Variants in ANK2 observed in about 807,000 individuals in gnomAD.
ANK2 encodes the protein ankyrin-2.
ANK2 carries 83 observed loss-of-function variants against 360.5 expected under a neutral mutation model. That is an observed-to-expected ratio of 0.23 (90% CI 0.19 to 0.28). The LOEUF (loss-of-function observed/expected upper bound fraction) is 0.28, where lower values mean the gene tolerates loss of function less well. ANK2 is among the 10% of genes least tolerant of loss of function. The pLI is 1.00. For synonymous variants in ANK2, 1,740 were observed against 1,759.5 expected (o/e 0.99, Z 0.28); for missense variants, 4,201 against 4,795.7 (o/e 0.88, Z 3.66).
chr4:113,282,692 A>G lies in ANK2; in HGVS notation c.1899A>G (p.Leu633=), dbSNP rs377608305. ...HATAKNGYTP[L]HIAAKKNQMQ... is the part of the protein sequence containing the mutation. ...CTTTTTAGAATGGCTATACTCCGTT[A>G]CATATTGCTGCCAAGAAGAATCAAA... Residue 633 remains leucine, a synonymous_variant, in exon 18 of 46, where the codon TTA becomes TTG. Coordinates refer to ENST00000357077, the MANE Select transcript of ANK2 (RefSeq NM_001148.6). The G allele has an allele frequency of 2.0e-4, 327 of 1,612,976 alleles. No individual in the cohort carries two copies. The highest frequency in any genetic ancestry group is 2.6e-4 in the Non-Finnish European group (312 of 1,179,398).
At position 113,176,189 on chromosome 4, in the gene ANK2, T is replaced by C. The variant is rs140839626; in HGVS notation, c.186+1672T>C. 4.1e-3 allele frequency among the ~76,000 whole-genome samples: 623 copies of C among 152,322 alleles called. 5 individuals carry two copies. The highest frequency in any genetic ancestry group is 0.014 in the African/African-American group (581 of 41,574). On this transcript the variant is annotated intron_variant, in intron 2 of 45. Transcript: ENST00000357077. ...ATGGGGGAAGAAAGGGATAGGGAAC[T>C]GGTATAAGCAGCAGGCTGACACTTG...
the ANK2 span, among the ~76,000 whole-genome samples, chr4:112,743,630 C>T: frequency 2.0e-5 from 3 of 147,166 alleles, no homozygotes; most frequent in African/African-American, 7.6e-5. Context: ...GCAACCTCTG[C>T]CTCCCAGGTT....
chr4:113,219,503 T>G (rs2099125383), intron 4 of ANK2, among the ~76,000 whole-genome samples: 1 of 151,786 alleles, frequency 6.6e-6, no homozygotes, highest in Non-Finnish European at 1.5e-5. Context: ...CATTATACAT[T>G]ACAAAAAACA....
intron 1 of ANK2, among the ~76,000 whole-genome samples, chr4:113,149,858 G>C (rs1341528609): frequency 9.9e-6 from 1 of 101,202 alleles, no homozygotes; most frequent in Non-Finnish European, 1.8e-5. Context: ...GCTTGCGTGA[G>C]AGTGAGACCC....
In ANK2 at chr4:113,354,445, G is replaced by A. The variant is rs367592943; in HGVS notation, c.5827G>A (p.Gly1943Arg). The A allele has an allele frequency of 1.7e-5, 28 of 1,614,054 alleles. No homozygotes were observed. The highest frequency in any genetic ancestry group is 2.2e-5 in the South Asian group (2 of 91,072). Residue 1943 changes from glycine (G) to arginine (R), a missense_variant, in exon 38 of 46, where the codon GGA becomes AGA. By Grantham distance (125) the Gly-to-Arg change is moderately radical. Around this residue, in one of 4 missense-constraint regions of ANK2, gnomAD observed 2,642 missense variants for 2,714.5 expected, o/e 0.97. Coordinates refer to ENST00000357077, the MANE Select transcript of ANK2 (RefSeq NM_001148.6). ...TEKRLPVSPS[G>R]RTDKHQPVST... ...AAAACGCTTGCCTGTTTCACCCTCC[G>A]GAAGAACGGACAAGCACCAACCTGT...
chr4:113,094,229 G>A (rs2089933722), intron 1 of ANK2, among the ~76,000 whole-genome samples: 1 of 152,134 alleles, frequency 6.6e-6, no homozygotes, highest in Non-Finnish European at 1.5e-5. Context: ...TCCCATTGAA[G>A]TGCTTTGTGA....
At chr4:113,298,183 C>A (rs1366088109) in intron 22 of ANK2, among the ~76,000 whole-genome samples, 2 of 152,012 alleles carry the variant, frequency 1.3e-5, no homozygotes, top group Admixed American at 6.6e-5. Flanking sequence ...CAGTGACTCA[C>A]CTTTGTTAGG....
intron 13 of ANK2, among the ~76,000 whole-genome samples, chr4:113,259,820 T>TG (rs925291486): frequency 6.6e-6 from 1 of 150,604 alleles, no homozygotes; most frequent in African/African-American, 2.4e-5. Flanking sequence ...TTCTTTTTTT[T>TG]TTTTTTAATT....
the ANK2 span, among the ~76,000 whole-genome samples, chr4:112,784,265 G>C: frequency 6.6e-6 from 1 of 150,498 alleles, no homozygotes; most frequent in South Asian, 2.1e-4. Flanking sequence ...GCTCACCACA[G>C]CCTCGATCTC....
At chr4:113,274,687 G>A (rs2153689571) in intron 15 of ANK2, 38 bp downstream of exon 15, 3 of 1,606,814 alleles carry the variant, frequency 1.9e-6, no homozygotes, top group Non-Finnish European at 2.6e-6. Context: ...GGACCAAGAG[G>A]ATTCCTAAGT....
chr4:112,940,619 T>C lies in ANK2; in HGVS notation c.21+36105T>C, dbSNP rs554002015. ...TAGAAAATTAGAGTAGCCATCAGTA[T>C]CATGCTGTTGAATAACTGCTGTAGG... is the stretch of plus-strand genomic sequence containing the variant. On this transcript the variant is annotated intron_variant, in intron 2 of 30. Transcript: ENST00000503271. 1.8e-4 allele frequency among the ~76,000 whole-genome samples: 27 copies of C among 152,296 alleles called. No homozygotes were observed. In the South Asian group the frequency reaches 3.5e-3, roughly 20 times the overall value.
intron 1 of ANK2, among the ~76,000 whole-genome samples, chr4:113,097,891 C>T (rs113886905): frequency 0.5 from 67,607 of 136,572 alleles, 17,546 homozygotes; most frequent in East Asian, 0.69. Flanking sequence ...CACACACACA[C>T]GCACACACAC....
rs552445352 is a variant in ANK2, at chr4:112,899,087, G to A, written c.-39-5368G>A. Among the ~76,000 whole-genome samples, 304 of 152,266 alleles carry A rather than the reference G, an allele frequency of 2.0e-3. 1 individual carries two copies. The highest frequency in any genetic ancestry group is 7.1e-3 in the African/African-American group (294 of 41,550). ...GCTCAACTCTAACCAAGTTGATGGG[G>A]GCTGTGAAGCCTTTCCTGTGGGTGT... On this transcript the variant is annotated intron_variant, in intron 1 of 30. Transcript: ENST00000503271.
intron 1 of ANK2, among the ~76,000 whole-genome samples, chr4:112,883,288 A>G (rs11732017): frequency 0.25 from 37,181 of 151,340 alleles, 4,877 homozygotes; most frequent in African/African-American, 0.33. Context: ...ATCCACCCAC[A>G]TTGGCCTCCC....
chr4:113,353,564 C>T lies in ANK2; in HGVS notation c.4946C>T (p.Pro1649Leu), dbSNP rs2095548904. ...ACTGATGATCTGAATACCTGTGTGC[C>T]TCTTCCCAAAGAGCAGCTGCAGACA... Reference protein sequence around the residue: ...YLTDDLNTCVPLPKEQLQTVQ... With the variant: ...YLTDDLNTCVLLPKEQLQTVQ... The change falls in exon 38 of 46, where the codon CCT (proline) becomes CTT (leucine). Residue 1649 changes from proline to leucine, a missense_variant. Around this residue, in one of 4 missense-constraint regions of ANK2, gnomAD observed 1,268 missense variants for 1,650.8 expected, o/e 0.77. Transcript: ENST00000357077. 6.2e-7 allele frequency: 1 copy of T among 1,613,902 alleles called. No homozygotes were observed. The highest frequency in any genetic ancestry group is 8.5e-7 in the Non-Finnish European group (1 of 1,179,966).
At chr4:113,162,706 T>C (rs2097579185) in intron 1 of ANK2, among the ~76,000 whole-genome samples, 2 of 151,810 alleles carry the variant, frequency 1.3e-5, no homozygotes, top group African/African-American at 4.8e-5. Flanking sequence ...CCCACTTCTG[T>C]TCCTGGTCTA....
chr4:112,957,470 C>A (rs1300565164), intron 2 of ANK2, among the ~76,000 whole-genome samples: 1 of 152,240 alleles, frequency 6.6e-6, no homozygotes, highest in Non-Finnish European at 1.5e-5. Context: ...CGCCTTTCCC[C>A]CCTTTCTATT....
intron 2 of ANK2, among the ~76,000 whole-genome samples, chr4:112,962,795 C>T (rs2035501159): frequency 6.6e-6 from 1 of 152,098 alleles, no homozygotes; most frequent in Admixed American, 6.6e-5. Context: ...GAATCACTGA[C>T]TTATGGCAAG....
chr4:113,233,106 G>GTTTTTTTTTTTTTTTTTT (rs1156385030), intron 5 of ANK2, among the ~76,000 whole-genome samples: 3 of 79,708 alleles, frequency 3.8e-5, no homozygotes, highest in East Asian at 3.7e-4. Flanking sequence ...TGGCTTTTCT[G>GTTTTTTTTTTTTTTTTTT]TTTTTTTTTT....
Sources: allele counts gnomAD v4.1 joint callset (sites outside exome capture counted in the v4.1 genomes callset), GRCh38; gene constraint gnomAD v4.1.1; regional missense constraint gnomAD v4.1.1; transcripts MANE v1.5; gene names NCBI Gene and HGNC (gene_info 2026-07-23, HGNC 2026-07-21).